ABCD2: variants seen among roughly 807,000 people sequenced by gnomAD.
ABCD2 encodes the protein ATP-binding cassette sub-family D member 2.
ABCD2 carries 36 observed loss-of-function variants against 70.9 expected under a neutral mutation model. The observed-to-expected ratio is 0.51, with a 90% CI of 0.39 to 0.67. ABCD2 has a LOEUF of 0.67. Ranked by LOEUF, ABCD2 falls within the 30% of genes least tolerant of loss-of-function variation. The probability of loss-of-function intolerance (pLI) is 0.00; values close to 1 mark genes in which losing one functional copy is unlikely to be tolerated. For synonymous variants in ABCD2, 304 were observed against 306.9 expected (o/e 0.99, Z 0.10); for missense variants, 729 against 890.2 (o/e 0.82, Z 2.30).
chr12:39,588,891 A>C (rs1941704372), intron 6 of ABCD2, among the ~76,000 whole-genome samples: 1 of 152,228 alleles, frequency 6.6e-6, no homozygotes, highest in African/African-American at 2.4e-5. Context: ...GTGCATGACA[A>C]TGGATTGGGA....
chr12:39,558,713 C>A (rs1270597009), intron 9 of ABCD2, among the ~76,000 whole-genome samples: 1 of 152,152 alleles, frequency 6.6e-6, no homozygotes, highest in Non-Finnish European at 1.5e-5. Flanking sequence ...GAGGCCTCCC[C>A]AGCCATCCTG....
rs1942168077 is a variant in ABCD2, at chr12:39,619,620, C to T, written c.-5G>A. On this transcript the variant is annotated 5_prime_UTR_variant, in exon 1 of 10. Coordinates refer to ENST00000308666, the MANE Select transcript of ABCD2 (RefSeq NM_005164.4). Reference sequence around the variant, plus strand: ...TGCATTTAGCATATGTGTCATTTTCCCAGTTACCCAAACCGGCTTCCAAAA... The same window carrying T: ...TGCATTTAGCATATGTGTCATTTTCTCAGTTACCCAAACCGGCTTCCAAAA... 7.5e-6 allele frequency: 12 copies of T among 1,598,894 alleles called. No individual in the cohort carries two copies. Among genetic ancestry groups the T allele is most frequent in the Non-Finnish European group, 9.4e-6 (11 of 1,175,842 alleles).
chr12:39,562,973 G>C (rs773010055), intron 9 of ABCD2, among the ~76,000 whole-genome samples: 19 of 152,190 alleles, frequency 1.2e-4, no homozygotes, highest in Non-Finnish European at 2.2e-4. Context: ...CCATGATCAC[G>C]TGGAATTCAT....
chr12:39,600,807 G>GA (rs1941887202), intron 5 of ABCD2, 91 bp from the exon 6 acceptor site: 1 of 1,218,082 alleles, frequency 8.2e-7, no homozygotes, highest in Admixed American at 2.7e-5. Flanking sequence ...TAAAATGTTC[G>GA]AAAACATGAT....
downstream of ABCD2, chr12:39,549,978 C>G (rs1396884278): frequency 6.6e-6 from 1 of 151,792 alleles, no homozygotes; most frequent in African/African-American, 2.4e-5. Context: ...CAGCTGTTGA[C>G]TTTTTGTCTG....
chr12:39,579,258 A>G (rs1182505239), intron 8 of ABCD2, among the ~76,000 whole-genome samples: 1 of 152,204 alleles, frequency 6.6e-6, no homozygotes, highest in Non-Finnish European at 1.5e-5. Context: ...GCTACTTGGG[A>G]GGCTGAGACA....
intron 9 of ABCD2, 133 bp from the exon 10 acceptor site, chr12:39,554,264 C>G (rs1353926234): frequency 1.2e-6 from 1 of 818,714 alleles, no homozygotes; most frequent in East Asian, 2.8e-5. Flanking sequence ...GTTTTAAGGA[C>G]ATATCAAAAA....
intron 2 of ABCD2, among the ~76,000 whole-genome samples, chr12:39,613,045 A>G (rs966778820): frequency 2.6e-5 from 4 of 152,204 alleles, no homozygotes; most frequent in African/African-American, 9.7e-5. Context: ...CTTGCCCAGA[A>G]CAGCTTTTGA....
intron 6 of ABCD2, among the ~76,000 whole-genome samples, chr12:39,588,166 T>TA (rs962068437): frequency 3.9e-5 from 6 of 152,078 alleles, no homozygotes; most frequent in African/African-American, 1.4e-4. Context: ...TGTTTTTTAA[T>TA]AAAAAAATTT....
chr12:39,546,635 TTGAA>T (rs1004181602), downstream of ABCD2, among the ~76,000 whole-genome samples: 5 of 152,050 alleles, frequency 3.3e-5, no homozygotes, highest in South Asian at 2.1e-4. Context: ...TAGTGATTGG[TTGAA>T]TGAATGAATG....
At chr12:39,559,378 CAAAAAAAAAAAAA>C (rs199560381) in intron 9 of ABCD2, among the ~76,000 whole-genome samples, 2 of 60,378 alleles carry the variant, frequency 3.3e-5, no homozygotes, top group Non-Finnish European at 7.6e-5. Context: ...ACTCCAGCTC[CAAAAAAAAAAAAA>C]AAAAAAAAAA....
At chr12:39,536,956 T>C in the ABCD2 span, among the ~76,000 whole-genome samples, 1 of 152,208 alleles carries the variant, frequency 6.6e-6, no homozygotes, top group East Asian at 1.9e-4. Context: ...ATGTGACTAA[T>C]ACTGGACTCC....
At chr12:39,617,215 ATAT>A (rs1942128193) in intron 1 of ABCD2, 47 bp from the exon 2 acceptor site, 1 of 1,270,222 alleles carries the variant, frequency 7.9e-7, no homozygotes, top group African/African-American at 1.6e-5. Context: ...AGATATATAC[ATAT>A]TATTCTTTTT....
chr12:39,557,515 C>T (rs1941186525), intron 9 of ABCD2, among the ~76,000 whole-genome samples: 1 of 152,138 alleles, frequency 6.6e-6, no homozygotes, highest in African/African-American at 2.4e-5. Flanking sequence ...AAGCCAGCTG[C>T]AGAAATTTGC....
intron 6 of ABCD2, among the ~76,000 whole-genome samples, chr12:39,592,654 C>T (rs765886515): frequency 2.6e-5 from 4 of 152,192 alleles, no homozygotes; most frequent in African/African-American, 7.2e-5. Flanking sequence ...CACATTGGCA[C>T]AGTACATAGG....
At chr12:39,578,473 CAAA>C (rs397850133) in intron 8 of ABCD2, among the ~76,000 whole-genome samples, 2 of 67,058 alleles carry the variant, frequency 3.0e-5, no homozygotes, top group Non-Finnish European at 3.2e-5. Context: ...GACTCCGTCT[CAAA>C]AAAAAAAAAA....
downstream of ABCD2, among the ~76,000 whole-genome samples, chr12:39,547,330 A>G (rs928432117): frequency 6.6e-6 from 1 of 152,138 alleles, no homozygotes; most frequent in African/African-American, 2.4e-5. Context: ...TTCTAGGTAT[A>G]TATCCAAAAG....
At chr12:39,602,524 A>G (rs1941913938) in intron 5 of ABCD2, among the ~76,000 whole-genome samples, 1 of 152,142 alleles carries the variant, frequency 6.6e-6, no homozygotes, top group African/African-American at 2.4e-5. Context: ...TTATTTTTCA[A>G]TCTATGCAGA....
chr12:39,594,864 C>T lies in ABCD2; in HGVS notation c.1646+5707G>A, dbSNP rs550353899. Among the ~76,000 whole-genome samples, 3 of 152,014 alleles carry T rather than the reference C, an allele frequency of 2.0e-5. No homozygotes were observed. The South Asian group carries it at 6.2e-4, about 32-fold the overall frequency. On this transcript the variant is annotated intron_variant, in intron 6 of 9. Coordinates refer to ENST00000308666, the MANE Select transcript of ABCD2 (RefSeq NM_005164.4). ...TGGTGGGCGCCTGTAATCCCAGTTA[C>T]TTGGGAAGCTGAGGTGCGATAATCA...
Sources: allele counts gnomAD v4.1 joint callset (sites outside exome capture counted in the v4.1 genomes callset), GRCh38; gene constraint gnomAD v4.1.1; transcripts MANE v1.5; gene names NCBI Gene and HGNC (gene_info 2026-07-23, HGNC 2026-07-21).